KDM2B: variants seen among roughly 807,000 people sequenced by gnomAD.
KDM2B encodes the protein lysine demethylase 2B.
Under a neutral mutation model 150.0 loss-of-function variants are expected in KDM2B, and 26 were observed. The ratio of observed to expected loss-of-function variants is 0.17; its 90% CI spans 0.13 to 0.24. KDM2B has a LOEUF of 0.24. Ranked by LOEUF, KDM2B falls within the 10% of genes least tolerant of loss-of-function variation. The pLI, the probability that KDM2B is intolerant of heterozygous loss-of-function variation, is 1.00. For missense variants in KDM2B, 1,265 were observed against 1,816.9 expected, an observed-to-expected ratio of 0.70 and a Z score of 5.52; for synonymous variants, 734 against 729.5, an observed-to-expected ratio of 1.01 and a Z score of -0.10.
chr12:121,521,169 C>A lies in KDM2B; in HGVS notation c.932-69G>T. ...TGGGCTCCCACACCTCACAAGGCTG[C>A]AGGGAGGGAGAGCGAGCGTGCAGGA... On this transcript the variant is annotated intron_variant, in intron 8 of 22. Transcript: ENST00000377071. This position sits in a 1 kb window ranked among gnomAD's most constrained non-coding sequence, Gnocchi z 4.9. 9.0e-7 allele frequency: 1 copy of A among 1,107,094 alleles called. No homozygotes were observed. Among genetic ancestry groups the A allele is most frequent in the Non-Finnish European group, 1.4e-6 (1 of 728,550 alleles). 68.6% of individuals were successfully genotyped at this position (1,107,094 alleles called of 1,614,324 possible).
At chr12:121,525,786 T>C (rs1887079947) in intron 8 of KDM2B, among the ~76,000 whole-genome samples, 1 of 152,312 alleles carries the variant, frequency 6.6e-6, no homozygotes, top group Non-Finnish European at 1.5e-5. Flanking sequence ...GTGTAAGAAA[T>C]ACCTGGGGCT....
intron 12 of KDM2B, among the ~76,000 whole-genome samples, chr12:121,492,824 C>T (rs558128752): frequency 5.6e-5 from 8 of 144,010 alleles, no homozygotes; most frequent in South Asian, 4.3e-4. Context: ...AGCAAAACTC[C>T]GTCTCAAAAA....
At chr12:121,579,987 TGGA>T in intron 1 of KDM2B, 2 of 1,488,982 alleles carry the variant, frequency 1.3e-6, no homozygotes, top group Non-Finnish European at 1.8e-6. Context: ...GATACAGATT[TGGA>T]AAAAAAAAAA....
In KDM2B at chr12:121,533,135, G is replaced by T. The variant is rs1887804608; in HGVS notation, c.778-176C>A. ...CTCTCTGCAAGGCCAGGTCCCTAGA[G>T]CCTCTGGGGAGGCAGGAAGGGCTGT... On this transcript the variant is annotated intron_variant, in intron 7 of 22. Coordinates refer to ENST00000377071, the MANE Select transcript of KDM2B (RefSeq NM_032590.5). The surrounding 1 kb of genome is among the most constrained non-coding windows in gnomAD (Gnocchi z 4.1). 6.6e-6 allele frequency among the ~76,000 whole-genome samples: 1 copy of T among 152,196 alleles called. No individual in the cohort carries two copies. Among genetic ancestry groups the T allele is most frequent in the South Asian group, 2.1e-4 (1 of 4,832 alleles).
chr12:121,415,077 C>G, the KDM2B span, among the ~76,000 whole-genome samples: 2 of 140,268 alleles, frequency 1.4e-5, no homozygotes, highest in African/African-American at 5.0e-5. Context: ...GCCTGGGCAA[C>G]AAGAGTGAAG....
At position 121,430,619 on chromosome 12, in the gene KDM2B, T is replaced by TAA; in HGVS notation, c.3830-152_3830-151dup. 1 of 628,600 alleles carries TAA rather than the reference T, an allele frequency of 1.6e-6. No individual in the cohort carries two copies. 38.9% of individuals were successfully genotyped at this position (628,600 alleles called of 1,614,324 possible). Reference sequence around the variant, plus strand: ...TGCACTAAATAAAATGTTATTTGCTTAAAATCTCTCTTCTTCAAACGGGGA... The same window carrying TAA: ...TGCACTAAATAAAATGTTATTTGCTTAAAAAATCTCTCTTCTTCAAACGGGGA... On this transcript the variant is annotated intron_variant, in intron 22 of 22. Coordinates refer to ENST00000377071, the MANE Select transcript of KDM2B (RefSeq NM_032590.5). This position sits in a 1 kb window ranked among gnomAD's most constrained non-coding sequence, Gnocchi z 4.4.
the KDM2B span, among the ~76,000 whole-genome samples, chr12:121,413,547 G>T: frequency 6.7e-6 from 1 of 149,196 alleles, no homozygotes; most frequent in Non-Finnish European, 1.5e-5. Flanking sequence ...GAGTAGCTGG[G>T]ATTACAGAAG....
At chr12:121,446,094 G>T (rs140701470) in intron 13 of KDM2B, among the ~76,000 whole-genome samples, 2 of 152,286 alleles carry the variant, frequency 1.3e-5, no homozygotes, top group Non-Finnish European at 2.9e-5. Context: ...CATGCCATAC[G>T]CTTATTAAAA....
At position 121,578,816 on chromosome 12, in the gene KDM2B, G is replaced by T. The variant is rs1852570697; in HGVS notation, c.257C>A (p.Ala86Asp). The change falls in exon 2 of 23, where the codon GCC becomes GAC. Residue 86 changes from alanine to aspartate, a missense_variant. Ala to Asp is a moderately radical substitution (Grantham distance 126, BLOSUM62 -2). Coordinates refer to ENST00000377071, the MANE Select transcript of KDM2B (RefSeq NM_032590.5). ...SQLYQGDFVH[A>D]MEGKDFNYEY... ...GGGCGCCTCACCTTTGCCCTCCATG[G>T]CGTGCACGAAGTCCCCCTGGTACAG... 1.3e-6 allele frequency: 2 copies of T among 1,587,626 alleles called. No individual in the cohort carries two copies. Among genetic ancestry groups the T allele is most frequent in the Admixed American group, 1.7e-5 (1 of 58,528 alleles).
Position 121,439,160 on chromosome 12 carries a change from G to A in KDM2B, c.3829+697C>T, listed in dbSNP as rs150320338. 6.6e-3 allele frequency among the ~76,000 whole-genome samples: 1,007 copies of A among 152,218 alleles called. 8 individuals carry two copies. Among genetic ancestry groups the A allele is most frequent in the African/African-American group, 0.023 (969 of 41,522 alleles). Reference sequence around the variant, plus strand: ...GTCACAAGGGGTGCATGTAAGCAACGACAGCAAAGGCAGAAACCAAGCTCC... The same window carrying A: ...GTCACAAGGGGTGCATGTAAGCAACAACAGCAAAGGCAGAAACCAAGCTCC... On this transcript the variant is annotated intron_variant, in intron 22 of 22. Coordinates refer to ENST00000377071, the MANE Select transcript of KDM2B (RefSeq NM_032590.5).
intron 10 of KDM2B, among the ~76,000 whole-genome samples, chr12:121,512,132 G>A (rs1272405253): frequency 6.6e-6 from 1 of 152,154 alleles, no homozygotes; most frequent in Non-Finnish European, 1.5e-5. Flanking sequence ...CCGGGGGATC[G>A]TGGAGTTACT....
chr12:121,534,665 G>A (rs1381331506), intron 6 of KDM2B, 75 bp from the exon 7 acceptor site: 1 of 1,040,160 alleles, frequency 9.6e-7, no homozygotes, highest in Non-Finnish European at 1.5e-6. Flanking sequence ...GACTTCAGAG[G>A]TCCTGAACTG....
At chr12:121,440,105 G>C (rs376583055) in intron 21 of KDM2B, 30 bp from the exon 22 acceptor site, 5 of 1,544,370 alleles carry the variant, frequency 3.2e-6, no homozygotes, top group African/African-American at 1.4e-5. Context: ...GGGGCAACCC[G>C]TCAATCTGAC....
In KDM2B at chr12:121,442,788, G is replaced by A. The variant is rs1273127460; in HGVS notation, c.2653C>T (p.Pro885Ser). 2 of 1,540,678 alleles carry A rather than the reference G, an allele frequency of 1.3e-6. No individual in the cohort carries two copies. The highest frequency in any genetic ancestry group is 2.3e-5 in the East Asian group (1 of 44,416). ...AEDRMALANK[P>S]LRRFKQEPED... ...GGTTCCTGCTTGAAGCGCCGGAGGG[G>A]CTTGTTGGCCAGCGCCATGCGGTCC... The change falls in exon 19 of 23, where the codon CCC (proline) becomes TCC (serine). Residue 885 changes from proline (P) to serine (S), a missense_variant. By Grantham distance (74) the Pro-to-Ser change is moderately conservative. Around this residue, in one of 11 missense-constraint regions of KDM2B, gnomAD observed 418 missense variants for 402.4 expected, o/e 1.04. Coordinates refer to ENST00000377071, the MANE Select transcript of KDM2B (RefSeq NM_032590.5). This position sits in a 1 kb window ranked among gnomAD's most constrained non-coding sequence, Gnocchi z 7.7.
chr12:121,426,937 A>T (rs1872538364), downstream of KDM2B, among the ~76,000 whole-genome samples: 1 of 152,156 alleles, frequency 6.6e-6, no homozygotes, highest in South Asian at 2.1e-4. Context: ...TGCTGCTTTA[A>T]GTAAATTTTT....
chr12:121,566,010 C>A (rs191874710), intron 4 of KDM2B, among the ~76,000 whole-genome samples: 2 of 151,914 alleles, frequency 1.3e-5, no homozygotes, highest in East Asian at 3.9e-4. Context: ...AGACCTTGAC[C>A]TCATCTTCCA....
chr12:121,578,449 G>A (rs1555317217), intron 2 of KDM2B, among the ~76,000 whole-genome samples: 1 of 152,202 alleles, frequency 6.6e-6, no homozygotes, highest in Non-Finnish European at 1.5e-5. Flanking sequence ...CGGCACCTCA[G>A]GCAGCGCAGG....
At chr12:121,507,563 C>T (rs1330419951) in intron 11 of KDM2B, among the ~76,000 whole-genome samples, 3 of 152,194 alleles carry the variant, frequency 2.0e-5, no homozygotes, top group African/African-American at 7.2e-5. Flanking sequence ...TCTACATCAT[C>T]AAAGGGTCTA....
At chr12:121,466,791 C>A (rs1880034980) in intron 12 of KDM2B, among the ~76,000 whole-genome samples, 1 of 145,974 alleles carries the variant, frequency 6.9e-6, no homozygotes, top group Non-Finnish European at 1.5e-5. Context: ...GCGTGGGCCG[C>A]GGGCGAGGGC....
Sources: gnomAD v4.1 joint callset for allele counts (sites outside exome capture counted in the v4.1 genomes callset) on GRCh38, gnomAD v4.1.1 for gene constraint, gnomAD v4.1.1 regional missense constraint, Gnocchi (gnomAD v3.1) non-coding constraint, MANE v1.5 for transcripts, NCBI Gene and HGNC (gene_info 2026-07-23, HGNC 2026-07-21) for gene names.